IL1RAPL1: variants seen among roughly 807,000 people sequenced by gnomAD.
The protein encoded by IL1RAPL1 is interleukin 1 receptor accessory protein like 1.
A neutral mutation model predicts 48.4 loss-of-function variants in IL1RAPL1; 3 were observed. The observed-to-expected ratio is 0.06, with a 90% CI of 0.03 to 0.16. The LOEUF (loss-of-function observed/expected upper bound fraction) is 0.16, where lower values mean the gene tolerates loss of function less well. Ranked by LOEUF, IL1RAPL1 falls within the 10% of genes least tolerant of loss-of-function variation. The pLI is 1.00. For synonymous variants in IL1RAPL1, 185 were observed against 187.7 expected (o/e 0.99, Z 0.12); for missense variants, 349 against 530.6 (o/e 0.66, Z 3.36).
chrX:29,586,544 A>G (rs573453625), intron 5 of IL1RAPL1, among the ~76,000 whole-genome samples: 4 of 111,816 alleles, frequency 3.6e-5, no homozygotes, highest in African/African-American at 1.3e-4. Context: ...TTCCATATGA[A>G]TTGTAGAATT....
chrX:29,584,568 C>T (rs1286168568), intron 5 of IL1RAPL1, among the ~76,000 whole-genome samples: 1 of 111,055 alleles, frequency 9.0e-6, no homozygotes, highest in South Asian at 3.8e-4. Context: ...AGTAGTAATT[C>T]TCAGTCTTCA....
chrX:28,844,920 T>C, intron 2 of IL1RAPL1, among the ~76,000 whole-genome samples: 1 of 111,743 alleles, frequency 8.9e-6, no homozygotes, highest in East Asian at 2.8e-4. Flanking sequence ...ATTGAGTCTT[T>C]TGTGTCACAG....
At chrX:28,857,103 C>T (rs921136757) in intron 2 of IL1RAPL1, among the ~76,000 whole-genome samples, 2 of 112,059 alleles carry the variant, frequency 1.8e-5, no homozygotes, top group South Asian at 3.6e-4. Context: ...AAAATCAAAC[C>T]GGCTACAACA....
intron 2 of IL1RAPL1, among the ~76,000 whole-genome samples, chrX:29,183,546 C>T (rs1430567538): frequency 8.9e-6 from 1 of 111,986 alleles, no homozygotes; most frequent in Non-Finnish European, 1.9e-5. Flanking sequence ...TCCCTCATCA[C>T]ATACTCATCT....
chrX:28,883,694 AT>A (rs1385009996), intron 2 of IL1RAPL1, among the ~76,000 whole-genome samples: 1 of 112,376 alleles, frequency 8.9e-6, no homozygotes, highest in Non-Finnish European at 1.9e-5. Context: ...TCCTTTAAAA[AT>A]AATGACTTTG....
At chrX:28,929,176 A>G (rs1221840038) in intron 2 of IL1RAPL1, among the ~76,000 whole-genome samples, 1 of 112,145 alleles carries the variant, frequency 8.9e-6, no homozygotes, top group African/African-American at 3.2e-5. Flanking sequence ...CCTAAGCTAT[A>G]TGGTAGAGCC....
chrX:29,186,163 T>G, intron 2 of IL1RAPL1, among the ~76,000 whole-genome samples: 1 of 112,012 alleles, frequency 8.9e-6, no homozygotes, highest in Non-Finnish European at 1.9e-5. Flanking sequence ...ATACAAAATA[T>G]AGTGTTGCTA....
intron 1 of IL1RAPL1, among the ~76,000 whole-genome samples, chrX:28,731,319 G>T: frequency 9.0e-6 from 1 of 111,376 alleles, no homozygotes; most frequent in East Asian, 2.8e-4. Flanking sequence ...CCTGGGTGTG[G>T]TAAATTAAGT....
At chrX:28,636,625 T>C (rs1934468352) in intron 1 of IL1RAPL1, among the ~76,000 whole-genome samples, 1 of 111,607 alleles carries the variant, frequency 9.0e-6, no homozygotes, top group Non-Finnish European at 1.9e-5. Flanking sequence ...TCCACCATGG[T>C]TAGTGTGTGG....
chrX:28,721,124 T>TG (rs1223250137), intron 1 of IL1RAPL1, among the ~76,000 whole-genome samples: 5 of 111,887 alleles, frequency 4.5e-5, no homozygotes, highest in Non-Finnish European at 9.4e-5. Context: ...ATGGGATGGC[T>TG]GGGTCAAATG....
At chrX:29,507,211 A>G (rs1438159030) in intron 5 of IL1RAPL1, among the ~76,000 whole-genome samples, 1 of 104,861 alleles carries the variant, frequency 9.5e-6, no homozygotes, top group East Asian at 3.0e-4. Flanking sequence ...GTGCTTATTT[A>G]TTATTATTAT....
intron 2 of IL1RAPL1, among the ~76,000 whole-genome samples, chrX:29,088,672 C>CAAA (rs1182451817): frequency 7.3e-4 from 24 of 32,861 alleles, no homozygotes; most frequent in South Asian, 2.0e-3. Flanking sequence ...CACTCCTTCT[C>CAAA]AAAAAAAAAA....
At chrX:28,949,896 T>A (rs1485478573) in intron 2 of IL1RAPL1, among the ~76,000 whole-genome samples, 1 of 110,415 alleles carries the variant, frequency 9.1e-6, no homozygotes, top group Non-Finnish European at 1.9e-5. Context: ...GGTTGCCCGT[T>A]CACTCTGATG....
intron 5 of IL1RAPL1, among the ~76,000 whole-genome samples, chrX:29,457,692 A>G (rs1182460300): frequency 8.9e-6 from 1 of 112,014 alleles, no homozygotes; most frequent in Non-Finnish European, 1.9e-5. Context: ...TTCTTTTGGT[A>G]GAATTATTTG....
intron 8 of IL1RAPL1, among the ~76,000 whole-genome samples, chrX:29,936,848 G>C (rs952541069): frequency 4.5e-5 from 5 of 111,713 alleles, no homozygotes; most frequent in Non-Finnish European, 9.4e-5. Context: ...TTAAGGGGTT[G>C]CTTGCTCCCA....
At chrX:28,809,228 A>G (rs1569177600) in intron 2 of IL1RAPL1, among the ~76,000 whole-genome samples, 1 of 110,574 alleles carries the variant, frequency 9.0e-6, no homozygotes, top group Non-Finnish European at 1.9e-5. Context: ...GTTGTCTACT[A>G]TGTGATACCT....
At chrX:28,659,183 G>C (rs1934786685) in intron 1 of IL1RAPL1, 7 of 706,973 alleles carry the variant, frequency 9.9e-6, no homozygotes, top group Admixed American at 2.3e-5. Context: ...CTAGGCCTCA[G>C]TTGCCTCCTG....
chrX:28,808,418 ATC>A (rs1439628200), intron 2 of IL1RAPL1, among the ~76,000 whole-genome samples: 1 of 111,025 alleles, frequency 9.0e-6, no homozygotes, highest in Non-Finnish European at 1.9e-5. Context: ...AGATGCCTAC[ATC>A]TCTGCGAATT....
chrX:28,645,696 A>T (rs1934601396), intron 1 of IL1RAPL1, among the ~76,000 whole-genome samples: 1 of 112,013 alleles, frequency 8.9e-6, no homozygotes, highest in Non-Finnish European at 1.9e-5. Context: ...GAAATTTAGA[A>T]ATGAGAGAGA....
Sources: allele counts gnomAD v4.1 joint callset (sites outside exome capture counted in the v4.1 genomes callset), GRCh38; gene constraint gnomAD v4.1.1; transcripts MANE v1.5; gene names NCBI Gene and HGNC (gene_info 2026-07-23, HGNC 2026-07-21).